LRRC8D: variants seen among roughly 807,000 people sequenced by gnomAD.
LRRC8D encodes the protein volume-regulated anion channel subunit LRRC8D.
In LRRC8D, 20 loss-of-function variants were observed where a neutral mutation model predicts 55.8. That is an observed-to-expected ratio of 0.36 (90% CI 0.25 to 0.52). The LOEUF is 0.52. LRRC8D is among the 20% of genes least tolerant of loss of function. The pLI is 0.93. For synonymous variants in LRRC8D, 352 were observed against 377.0 expected, an observed-to-expected ratio of 0.93 and a Z score of 0.77; for missense variants, 651 against 1,030.8, an observed-to-expected ratio of 0.63 and a Z score of 5.05.
At chr1:89,920,941 G>T (rs1663400392) in intron 2 of LRRC8D, among the ~76,000 whole-genome samples, 1 of 152,162 alleles carries the variant, frequency 6.6e-6, no homozygotes, top group African/African-American at 2.4e-5. Flanking sequence ...TGAAAGATTT[G>T]AGAATTTGAT....
At chr1:89,901,431 C>G (rs929968160) in intron 2 of LRRC8D, among the ~76,000 whole-genome samples, 30 of 152,318 alleles carry the variant, frequency 2.0e-4, no homozygotes, top group Admixed American at 1.2e-3. Context: ...CTAGATTTAA[C>G]CTGGAAGGAG....
intron 1 of LRRC8D, among the ~76,000 whole-genome samples, chr1:89,836,546 C>T (rs1228547601): frequency 1.3e-5 from 2 of 152,128 alleles, no homozygotes; most frequent in African/African-American, 4.8e-5. Context: ...GTTTTCCTAA[C>T]GAAGTCTTGT....
At chr1:89,823,955 A>G (rs1003388080) in intron 1 of LRRC8D, among the ~76,000 whole-genome samples, 5 of 152,228 alleles carry the variant, frequency 3.3e-5, no homozygotes, top group African/African-American at 1.2e-4. Context: ...AGTTCGTGAA[A>G]AACTTAACCA....
At chr1:89,899,417 A>G (rs1662793233) in intron 2 of LRRC8D, among the ~76,000 whole-genome samples, 1 of 152,238 alleles carries the variant, frequency 6.6e-6, no homozygotes, top group Non-Finnish European at 1.5e-5. Flanking sequence ...GGCTCTTTGA[A>G]GATGTCTGAC....
intron 2 of LRRC8D, among the ~76,000 whole-genome samples, chr1:89,890,339 C>T (rs1190850989): frequency 2.0e-5 from 3 of 152,210 alleles, no homozygotes; most frequent in Admixed American, 6.5e-5. Flanking sequence ...TCATCAAGAA[C>T]AGGTTCAACT....
chr1:89,824,858 C>T (rs1375774394), intron 1 of LRRC8D, among the ~76,000 whole-genome samples: 1 of 152,112 alleles, frequency 6.6e-6, no homozygotes, highest in Admixed American at 6.5e-5. Context: ...TTTGCTGAGA[C>T]CTAAGCATAA....
intron 2 of LRRC8D, among the ~76,000 whole-genome samples, chr1:89,859,457 C>T (rs1661645245): frequency 6.6e-6 from 1 of 152,090 alleles, no homozygotes; most frequent in Non-Finnish European, 1.5e-5. Flanking sequence ...GTTGTTATAA[C>T]ATTTATCTGC....
intron 2 of LRRC8D, among the ~76,000 whole-genome samples, chr1:89,902,600 C>T (rs1662891218): frequency 6.6e-6 from 1 of 151,600 alleles, no homozygotes; most frequent in Non-Finnish European, 1.5e-5. Flanking sequence ...GCGGTGACAC[C>T]ATCTTGGCTC....
At chr1:89,892,484 G>A (rs1662603917) in intron 2 of LRRC8D, among the ~76,000 whole-genome samples, 1 of 151,954 alleles carries the variant, frequency 6.6e-6, no homozygotes, top group Admixed American at 6.6e-5. Flanking sequence ...CATTTGACCT[G>A]TAAGGAATCT....
chr1:89,935,563 A>T lies in LRRC8D; in HGVS notation c.2495A>T (p.Asp832Val), dbSNP rs1328911504. 1 of 1,614,048 alleles carries T rather than the reference A, an allele frequency of 6.2e-7. No individual in the cohort carries two copies. Among genetic ancestry groups the T allele is most frequent in the Non-Finnish European group, 8.5e-7 (1 of 1,180,034 alleles). Residue 832 changes from aspartate (D) to valine (V), a missense_variant, in exon 3 of 3, where the codon GAT (aspartate) becomes GTT (valine). Around this residue, in one of 5 missense-constraint regions of LRRC8D, gnomAD observed 338 missense variants for 479.4 expected, o/e 0.71. Transcript: ENST00000337338. ...MLKKSGLVVE[D>V]HLFDTLPLEV... ...AAGAAAAGCGGGCTTGTTGTGGAAG[A>T]TCACCTTTTTGATACCCTGCCACTC... is the stretch of plus-strand genomic sequence containing the variant.
chr1:89,924,603 A>G (rs1663508559), intron 2 of LRRC8D, among the ~76,000 whole-genome samples: 1 of 152,206 alleles, frequency 6.6e-6, no homozygotes, highest in South Asian at 2.1e-4. Context: ...TACAAAAAAG[A>G]TGTGTACTTG....
intron 2 of LRRC8D, among the ~76,000 whole-genome samples, chr1:89,876,769 G>A (rs913054383): frequency 1.3e-5 from 2 of 152,170 alleles, no homozygotes; most frequent in Admixed American, 6.5e-5. Context: ...TGATAGAGTC[G>A]AGTAGTTGTT....
At chr1:89,845,670 C>G (rs1233613529) in intron 2 of LRRC8D, among the ~76,000 whole-genome samples, 12 of 152,148 alleles carry the variant, frequency 7.9e-5, no homozygotes, top group Non-Finnish European at 1.8e-4. Flanking sequence ...CTCCTAACCT[C>G]AAGTGATCTG....
At chr1:89,824,345 G>A (rs1193800638) in intron 1 of LRRC8D, among the ~76,000 whole-genome samples, 1 of 152,178 alleles carries the variant, frequency 6.6e-6, no homozygotes, top group Non-Finnish European at 1.5e-5. Flanking sequence ...AATCCTTATT[G>A]AAAGAAAGGG....
intron 2 of LRRC8D, among the ~76,000 whole-genome samples, chr1:89,920,281 T>TA (rs1663376641): frequency 6.6e-6 from 1 of 152,224 alleles, no homozygotes; most frequent in Admixed American, 6.5e-5. Flanking sequence ...AAAGAGACAT[T>TA]AACATGTAAT....
intron 2 of LRRC8D, among the ~76,000 whole-genome samples, chr1:89,855,179 ACCTTAAGAGTC>A (rs1437528763): frequency 6.6e-6 from 1 of 152,174 alleles, no homozygotes; most frequent in African/African-American, 2.4e-5. Flanking sequence ...AGAGGATCTT[ACCTTAAGAGTC>A]CTTTCTCCTT....
chr1:89,840,330 G>A (rs879732700), intron 1 of LRRC8D, among the ~76,000 whole-genome samples: 5 of 152,246 alleles, frequency 3.3e-5, no homozygotes, highest in Non-Finnish European at 5.9e-5. Flanking sequence ...GAAAGTATGA[G>A]ATGGTGTTCA....
intron 1 of LRRC8D, among the ~76,000 whole-genome samples, chr1:89,827,410 G>C (rs111846245): frequency 9.6e-4 from 145 of 151,730 alleles, no homozygotes; most frequent in African/African-American, 3.3e-3. Context: ...AGTTTTCACT[G>C]TGTTTTTTCC....
At position 89,905,517 on chromosome 1, in the gene LRRC8D, G is replaced by A. The variant is rs549000032; in HGVS notation, c.-2-27550G>A. On this transcript the variant is annotated intron_variant, in intron 2 of 2. Transcript: ENST00000337338. ...AACTACCCACTATTGAAGTTTGAGG[G>A]AGCCAAGTGAATAACCCCTCTTTCC... Among the ~76,000 whole-genome samples the A allele has an allele frequency of 5.9e-5, 9 of 152,258 alleles. No individual in the cohort carries two copies. The South Asian group carries it at 1.9e-3, about 32-fold the overall frequency.
Sources: gnomAD v4.1 joint callset for allele counts (sites outside exome capture counted in the v4.1 genomes callset) on GRCh38, gnomAD v4.1.1 for gene constraint, gnomAD v4.1.1 regional missense constraint, MANE v1.5 for transcripts, NCBI Gene and HGNC (gene_info 2026-07-23, HGNC 2026-07-21) for gene names.